The following C8orf74 variants were observed in gnomAD, a reference collection of about 807,000 sequenced individuals.
C8orf74 encodes chromosome 8 open reading frame 74.
Under a neutral mutation model 22.2 loss-of-function variants are expected in C8orf74, and 29 were observed. The observed-to-expected ratio is 1.31, with a 90% CI of 0.97 to 1.78. The LOEUF is 1.78. C8orf74 is among the 40% of genes most tolerant of loss of function. The pLI is 0.00. For missense variants in C8orf74, 515 were observed against 369.9 expected, an observed-to-expected ratio of 1.39 and a Z score of -3.22; for synonymous variants, 255 against 163.1, an observed-to-expected ratio of 1.56 and a Z score of -4.30.
At chr8:10,695,735 G>C (rs1002648004) in intron 2 of C8orf74, among the ~76,000 whole-genome samples, 42 of 152,182 alleles carry the variant, frequency 2.8e-4, no homozygotes, top group African/African-American at 9.4e-4. Flanking sequence ...ACTCTAGCTG[G>C]GGGTGGGGAA....
intron 2 of C8orf74, among the ~76,000 whole-genome samples, chr8:10,693,525 G>A (rs184012702): frequency 2.0e-4 from 31 of 152,316 alleles, no homozygotes; most frequent in Admixed American, 4.6e-4. Context: ...ACATATTAGA[G>A]CTGGTTCACT....
At position 10,697,894 on chromosome 8, in the gene C8orf74, C is replaced by A. The variant is rs760201090; in HGVS notation, c.537C>A (p.Arg179=). ...ATLTEAEAQK[R]ADVLLLKEAL... ...TGACGGAGGCCGAGGCACAGAAGCG[C>A]GCCGACGTGCTGCTCCTGAAAGAGG... is the stretch of plus-strand genomic sequence containing the variant. Residue 179 remains arginine (R), a synonymous_variant, in exon 3 of 4, where the codon CGC becomes CGA. Coordinates refer to ENST00000304519, the MANE Select transcript of C8orf74 (RefSeq NM_001040032.2). The A allele has an allele frequency of 3.1e-6, 5 of 1,609,320 alleles. No homozygotes were observed. The Admixed American group carries it at 6.7e-5, about 22-fold the overall frequency.
At position 10,672,782 on chromosome 8, in the gene C8orf74, C is replaced by T. The variant is rs932458823; in HGVS notation, c.48+69C>T. Reference sequence around the variant, plus strand: ...TCCTGGGCACATAGGGAGGTGGGCACTGGAAGCGCCTCTTCAGGAGACCCC... The same window carrying T: ...TCCTGGGCACATAGGGAGGTGGGCATTGGAAGCGCCTCTTCAGGAGACCCC... On this transcript the variant is annotated intron_variant, in intron 1 of 3. Transcript: ENST00000304519. 12 of 1,404,464 alleles carry T rather than the reference C, an allele frequency of 8.5e-6. No individual in the cohort carries two copies. The African/African-American group carries it at 1.6e-4, about 18-fold the overall frequency. The allele number at this position is 1,404,464 out of a possible 1,614,324, so 87.0% of individuals were successfully genotyped here.
intron 3 of C8orf74, among the ~76,000 whole-genome samples, chr8:10,699,719 G>C (rs6996189): frequency 0.026 from 3,903 of 152,248 alleles, 169 homozygotes; most frequent in African/African-American, 0.089. Context: ...AATTTCCCCT[G>C]TCCCCTCCCA....
chr8:10,676,665 T>A (rs1243767418), intron 2 of C8orf74, among the ~76,000 whole-genome samples: 1 of 152,100 alleles, frequency 6.6e-6, no homozygotes, highest in Non-Finnish European at 1.5e-5. Context: ...AGACATGGCA[T>A]CACTCACAGG....
chr8:10,682,727 C>T (rs1799178149), intron 2 of C8orf74, among the ~76,000 whole-genome samples: 1 of 152,212 alleles, frequency 6.6e-6, no homozygotes, highest in Non-Finnish European at 1.5e-5. Flanking sequence ...CAGCCTGTAA[C>T]ACTGAGCAAG....
intron 2 of C8orf74, among the ~76,000 whole-genome samples, chr8:10,695,825 C>A (rs931939568): frequency 6.6e-6 from 1 of 152,128 alleles, no homozygotes; most frequent in Non-Finnish European, 1.5e-5. Context: ...TCCCCTACTT[C>A]GGGGAAAAGC....
Position 10,680,777 on chromosome 8 carries a change from G to A in C8orf74, c.241+5939G>A, listed in dbSNP as rs780087075. Among the ~76,000 whole-genome samples the A allele has an allele frequency of 1.2e-4, 19 of 152,220 alleles. 1 individual carries two copies. The highest frequency in any genetic ancestry group is 4.2e-4 in the South Asian group (2 of 4,804). ...GCTGTCCTCAGGAGGGGGCCCAGGC[G>A]GCCAGGGGCAGAAAGAGCTGGCGTA... On this transcript the variant is annotated intron_variant, in intron 2 of 3. Coordinates refer to ENST00000304519, the MANE Select transcript of C8orf74 (RefSeq NM_001040032.2).
chr8:10,683,025 C>A (rs909946869), intron 2 of C8orf74, among the ~76,000 whole-genome samples: 1 of 152,248 alleles, frequency 6.6e-6, no homozygotes, highest in East Asian at 1.9e-4. Context: ...AGCATCCACC[C>A]AGCTGAGTGA....
chr8:10,698,918 C>CACAT (rs1799592025), intron 3 of C8orf74, among the ~76,000 whole-genome samples: 1 of 148,718 alleles, frequency 6.7e-6, no homozygotes. Context: ...CACACACACA[C>CACAT]ACACACACAC....
intron 2 of C8orf74, among the ~76,000 whole-genome samples, chr8:10,684,415 C>T (rs1029297504): frequency 2.0e-5 from 3 of 152,168 alleles, no homozygotes; most frequent in East Asian, 3.9e-4. Context: ...AAGAGAAGGG[C>T]GTGGACAAGA....
rs1313006205 is a variant in C8orf74 at position 10,695,300 on chromosome 8, A to G, written c.242-2299A>G. ...AAGGCCCGTGTCATATCTAAGAGAG[A>G]CAGAGTATCTCAGACCTCCAAACCC... On this transcript the variant is annotated intron_variant, in intron 2 of 3. Transcript: ENST00000304519. Among the ~76,000 whole-genome samples, 4 of 152,172 alleles carry G rather than the reference A, an allele frequency of 2.6e-5. 1 individual carries two copies. In the South Asian group the frequency reaches 6.2e-4, roughly 24 times the overall value.
chr8:10,686,448 C>T (rs756996361), intron 2 of C8orf74: 3 of 152,220 alleles, frequency 2.0e-5, no homozygotes, highest in Non-Finnish European at 4.4e-5. Flanking sequence ...GTATTATTTC[C>T]TGAGAGCTTA....
chr8:10,698,144 C>G (rs1313381205), intron 3 of C8orf74, 139 bp downstream of exon 3: 2 of 849,604 alleles, frequency 2.4e-6, no homozygotes, highest in Admixed American at 3.4e-5. Context: ...AAGAGTCTAC[C>G]ACGAGCTTCG....
At position 10,693,288 on chromosome 8, in the gene C8orf74, T is replaced by C. The variant is rs552044281; in HGVS notation, c.242-4311T>C. 4.6e-5 allele frequency among the ~76,000 whole-genome samples: 7 copies of C among 152,262 alleles called. No individual in the cohort carries two copies. In the South Asian group the frequency reaches 1.5e-3, roughly 32 times the overall value. ...CACCTCTCTTTGCCCAGTAAACCCC[T>C]CTGACCCAGTACATCCCAGCTCCTT... On this transcript the variant is annotated intron_variant, in intron 2 of 3. Transcript: ENST00000304519.
intron 2 of C8orf74, among the ~76,000 whole-genome samples, chr8:10,690,622 G>A (rs748545539): frequency 3.7e-4 from 56 of 152,224 alleles, no homozygotes; most frequent in African/African-American, 6.3e-4. Context: ...GAGTCCACCC[G>A]CTCAGGCACA....
Position 10,698,016 on chromosome 8 carries a change from GC to G in C8orf74, c.648+17del, listed in dbSNP as rs574549901. The stretch of plus-strand genomic sequence containing the variant: ...GTCCTGGAGAGACAGGTGAGGCTCT[GC>G]CCCCCTGCCGTGGGTGGGCACCTGG... On this transcript the variant is annotated intron_variant, in intron 3 of 3. Coordinates refer to ENST00000304519, the MANE Select transcript of C8orf74 (RefSeq NM_001040032.2). The G allele has an allele frequency of 2.0e-3, 2,880 of 1,456,636 alleles. 32 individuals are homozygous for G. The African/African-American group carries it at 0.022, about 11-fold the overall frequency. The allele number at this position is 1,456,636 out of a possible 1,614,324, so 90.2% of individuals were successfully genotyped here.
chr8:10,678,913 C>T (rs1013897145), intron 2 of C8orf74, among the ~76,000 whole-genome samples: 1 of 152,226 alleles, frequency 6.6e-6, no homozygotes, highest in Non-Finnish European at 1.5e-5. Flanking sequence ...TGTGTTCTTA[C>T]TGCCTTGCAC....
At chr8:10,699,668 C>T (rs552986629) in intron 3 of C8orf74, among the ~76,000 whole-genome samples, 10 of 152,190 alleles carry the variant, frequency 6.6e-5, no homozygotes, top group Non-Finnish European at 1.3e-4. Flanking sequence ...TCCATTCTTC[C>T]TATGGCTGGC....
Sources: gnomAD v4.1 joint callset for allele counts (sites outside exome capture counted in the v4.1 genomes callset) on GRCh38, gnomAD v4.1.1 for gene constraint, MANE v1.5 for transcripts, NCBI Gene and HGNC (gene_info 2026-07-23, HGNC 2026-07-21) for gene names.